Variants in CDH13 observed in about 807,000 individuals in gnomAD.
CDH13 encodes the protein cadherin-13.
A neutral mutation model predicts 63.8 loss-of-function variants in CDH13; 24 were observed. The ratio of observed to expected loss-of-function variants is 0.38; its 90% confidence interval spans 0.27 to 0.53. The LOEUF (loss-of-function observed/expected upper bound fraction) is 0.53, where lower values mean the gene tolerates loss of function less well. CDH13 is among the 20% of genes least tolerant of loss of function. CDH13 has a pLI of 0.85. For synonymous variants in CDH13, 503 were observed against 355.3 expected (o/e 1.42, Z -4.67); for missense variants, 1,049 against 903.1 (o/e 1.16, Z -2.07).
intron 7 of CDH13, 62 bp from the exon 8 acceptor site, chr16:83,602,392 C>A: frequency 2.5e-6 from 4 of 1,581,364 alleles, no homozygotes; most frequent in Non-Finnish European, 2.6e-6. Context: ...CGCCTGCCAC[C>A]TTTCCAAAGC....
chr16:83,260,097 T>TACACACACACACAC (rs61647390), intron 5 of CDH13, among the ~76,000 whole-genome samples: 7 of 126,522 alleles, frequency 5.5e-5, no homozygotes, highest in East Asian at 2.4e-4. Context: ...GTACCCCCAA[T>TACACACACACACAC]ACACACACAC....
At chr16:83,588,174 C>T (rs75639132) in intron 7 of CDH13, among the ~76,000 whole-genome samples, 11 of 152,190 alleles carry the variant, frequency 7.2e-5, no homozygotes, top group Non-Finnish European at 1.5e-4. Flanking sequence ...AGACACCTCT[C>T]CAAAGGAGAA....
At position 82,993,540 on chromosome 16, in the gene CDH13, G is replaced by A. The variant is rs566012873; in HGVS notation, c.158-38470G>A. On this transcript the variant is annotated intron_variant, in intron 2 of 13. Coordinates refer to ENST00000567109, the MANE Select transcript of CDH13 (RefSeq NM_001257.5). The stretch of plus-strand genomic sequence containing the variant: ...CCAAATTCATCATCATTGTGAAGTA[G>A]CATTGGGCCATGTTTAAGAAGTTTT... 3.0e-4 allele frequency among the ~76,000 whole-genome samples: 46 copies of A among 152,222 alleles called. No homozygotes were observed. In the South Asian group the frequency reaches 3.3e-3, roughly 11 times the overall value.
At chr16:83,644,634 T>C (rs772134628) in intron 8 of CDH13, among the ~76,000 whole-genome samples, 1 of 152,186 alleles carries the variant, frequency 6.6e-6, no homozygotes, top group Non-Finnish European at 1.5e-5. Flanking sequence ...CCTAGCCTGC[T>C]CCACTGCAAA....
intron 4 of CDH13, among the ~76,000 whole-genome samples, chr16:83,132,700 T>A (rs1291553193): frequency 6.6e-6 from 1 of 152,056 alleles, no homozygotes; most frequent in Non-Finnish European, 1.5e-5. Flanking sequence ...AGGGTGGGGA[T>A]TACAAGCATG....
intron 3 of CDH13, among the ~76,000 whole-genome samples, chr16:83,075,179 C>A (rs72796248): frequency 0.1 from 15,904 of 152,204 alleles, 1,064 homozygotes; most frequent in Non-Finnish European, 0.14. Context: ...CATGAATGCA[C>A]CCTTTATTGG....
chr16:83,053,263 T>C (rs780935020), intron 3 of CDH13, among the ~76,000 whole-genome samples: 1 of 152,184 alleles, frequency 6.6e-6, no homozygotes, highest in African/African-American at 2.4e-5. Context: ...TAACTTAATA[T>C]AGGAGTTAAA....
At chr16:82,832,870 T>A (rs941697802) in intron 1 of CDH13, among the ~76,000 whole-genome samples, 2 of 152,224 alleles carry the variant, frequency 1.3e-5, no homozygotes, top group Non-Finnish European at 2.9e-5. Flanking sequence ...CATAGGCAGA[T>A]TTTGATTCAG....
At chr16:82,858,286 G>T in intron 1 of CDH13, 76 bp from the exon 2 acceptor site, 2 of 873,842 alleles carry the variant, frequency 2.3e-6, no homozygotes, top group Non-Finnish European at 1.9e-6. Flanking sequence ...GTTTCTAAAA[G>T]TTGCGGATTT....
chr16:83,463,081 C>G (rs537376410), intron 6 of CDH13, among the ~76,000 whole-genome samples: 1 of 152,110 alleles, frequency 6.6e-6, no homozygotes, highest in African/African-American at 2.4e-5. Context: ...AACACTGCCT[C>G]GGGAAGGAGT....
At chr16:82,715,965 G>T (rs1418058794) in intron 1 of CDH13, among the ~76,000 whole-genome samples, 1 of 152,204 alleles carries the variant, frequency 6.6e-6, no homozygotes, top group Non-Finnish European at 1.5e-5. Context: ...ACTAAGCCAT[G>T]TGTCACTACT....
chr16:83,172,227 A>C (rs185811210), intron 4 of CDH13, among the ~76,000 whole-genome samples: 1 of 152,158 alleles, frequency 6.6e-6, no homozygotes, highest in South Asian at 2.1e-4. Context: ...ACGGTGGCTC[A>C]TGCCTGTAAT....
At chr16:82,715,909 C>A (rs909410146) in intron 1 of CDH13, among the ~76,000 whole-genome samples, 3 of 152,180 alleles carry the variant, frequency 2.0e-5, no homozygotes, top group African/African-American at 7.2e-5. Context: ...CTTCTTTAGC[C>A]ACATCACAGT....
At chr16:83,501,523 G>A (rs1286133864) in intron 7 of CDH13, among the ~76,000 whole-genome samples, 2 of 152,176 alleles carry the variant, frequency 1.3e-5, no homozygotes, top group African/African-American at 2.4e-5. Context: ...TTTATGTTGT[G>A]CTCAGCATTG....
At chr16:82,782,561 A>G (rs201192209) in intron 1 of CDH13, among the ~76,000 whole-genome samples, 1 of 151,066 alleles carries the variant, frequency 6.6e-6, no homozygotes, top group Non-Finnish European at 1.5e-5. Context: ...CAAAAAAAAA[A>G]AAAAATAATA....
At chr16:82,637,427 C>T (rs1455908048) in intron 1 of CDH13, among the ~76,000 whole-genome samples, 11 of 54,750 alleles carry the variant, frequency 2.0e-4, no homozygotes, top group African/African-American at 7.6e-4. Context: ...AGTTACTGTG[C>T]CTTTTTTTTT....
At chr16:83,159,478 A>G (rs114898701) in intron 4 of CDH13, among the ~76,000 whole-genome samples, 12 of 152,348 alleles carry the variant, frequency 7.9e-5, no homozygotes, top group African/African-American at 2.9e-4. Flanking sequence ...ACACTGAGCT[A>G]AAGTCTCTAT....
chr16:82,805,854 G>T (rs8045025), intron 1 of CDH13, among the ~76,000 whole-genome samples: 132,467 of 152,208 alleles, frequency 0.87, 57,804 homozygotes, highest in East Asian at 0.97. Context: ...ATCTCCGGTT[G>T]ACGAACTCTA....
At chr16:83,216,410 A>G (rs4558401) in intron 4 of CDH13, among the ~76,000 whole-genome samples, 3,416 of 51,436 alleles carry the variant, frequency 0.066, 273 homozygotes, top group African/African-American at 0.17. Context: ...ATATATATAT[A>G]TATATATATA....
Sources: allele counts gnomAD v4.1 joint callset (sites outside exome capture counted in the v4.1 genomes callset), GRCh38; gene constraint gnomAD v4.1.1; transcripts MANE v1.5; gene names NCBI Gene and HGNC (gene_info 2026-07-23, HGNC 2026-07-21).